RUNDC3B: variants seen among roughly 807,000 people sequenced by gnomAD.
The protein encoded by RUNDC3B is RUN domain-containing protein 3B.
A neutral mutation model predicts 58.4 loss-of-function variants in RUNDC3B; 33 were observed. That is an observed-to-expected ratio of 0.56 (90% confidence interval 0.43 to 0.75). The LOEUF (loss-of-function observed/expected upper bound fraction) is 0.75, where lower values mean the gene tolerates loss of function less well. Among genes scored for constraint, RUNDC3B ranks in the 30% least tolerant of loss-of-function variants. The pLI is 0.00. For missense variants in RUNDC3B, 501 were observed against 535.7 expected (o/e 0.94, Z 0.64); for synonymous variants, 193 against 195.2 (o/e 0.99, Z 0.10).
chr7:87,690,300 G>A (rs1365569081), intron 2 of RUNDC3B, among the ~76,000 whole-genome samples: 3 of 151,926 alleles, frequency 2.0e-5, no homozygotes, highest in Non-Finnish European at 2.9e-5. Flanking sequence ...TTGTTCATGT[G>A]ATCTATATTT....
chr7:87,783,733 A>C (rs1022532730), intron 8 of RUNDC3B, among the ~76,000 whole-genome samples: 1 of 152,138 alleles, frequency 6.6e-6, no homozygotes, highest in Non-Finnish European at 1.5e-5. Context: ...TGTCTGGAAA[A>C]TATTATACAT....
intron 6 of RUNDC3B, among the ~76,000 whole-genome samples, chr7:87,746,887 T>C (rs1054544075): frequency 2.6e-5 from 4 of 152,182 alleles, no homozygotes; most frequent in Non-Finnish European, 4.4e-5. Context: ...TATTTGTTTG[T>C]TTTTTATTTT....
chr7:87,749,784 G>C (rs1160077508), intron 6 of RUNDC3B, among the ~76,000 whole-genome samples: 1 of 151,910 alleles, frequency 6.6e-6, no homozygotes, highest in Non-Finnish European at 1.5e-5. Flanking sequence ...TTCAAGAAAA[G>C]CTGCTAGAAA....
intron 4 of RUNDC3B, among the ~76,000 whole-genome samples, chr7:87,713,776 A>T (rs199473694): frequency 6.6e-6 from 1 of 152,174 alleles, no homozygotes; most frequent in Non-Finnish European, 1.5e-5. Flanking sequence ...TGGCTAAAAA[A>T]TAATTAGTAA....
intron 1 of RUNDC3B, among the ~76,000 whole-genome samples, chr7:87,633,293 A>G (rs1426680885): frequency 2.0e-5 from 3 of 152,204 alleles, no homozygotes; most frequent in Non-Finnish European, 2.9e-5. Context: ...AATATTTACA[A>G]TATTTTGGAT....
intron 10 of RUNDC3B, among the ~76,000 whole-genome samples, chr7:87,818,701 T>G (rs1837216167): frequency 6.6e-6 from 1 of 152,102 alleles, no homozygotes; most frequent in African/African-American, 2.4e-5. Flanking sequence ...TAACAAGCTG[T>G]GAGCACAGGG....
In RUNDC3B at chr7:87,770,599, T is replaced by G; in HGVS notation, c.648T>G (p.Ser216Arg). 1 of 1,613,486 alleles carries G rather than the reference T, an allele frequency of 6.2e-7. No individual in the cohort carries two copies. Among genetic ancestry groups the G allele is most frequent in the Non-Finnish European group, 8.5e-7 (1 of 1,179,616 alleles). ...KYIQSSDSISSDEEELRTLGS... is the reference protein window; with the variant it reads ...KYIQSSDSISRDEEELRTLGS... ...TTCCCAGTTCTGATAGTATCAGCAGTGATGAGGAGGAGCTAAGGACTTTGG... is the reference window on the plus strand; with the variant it reads ...TTCCCAGTTCTGATAGTATCAGCAGGGATGAGGAGGAGCTAAGGACTTTGG... Residue 216 changes from serine (S) to arginine (R), a missense_variant, in exon 7 of 11, where the codon AGT (serine) becomes AGG (arginine). By Grantham distance (110) the Ser-to-Arg change is moderately radical. Coordinates refer to ENST00000394654, the MANE Select transcript of RUNDC3B (RefSeq NM_001134405.2).
intron 6 of RUNDC3B, among the ~76,000 whole-genome samples, chr7:87,750,873 C>G (rs968034752): frequency 2.6e-5 from 4 of 151,470 alleles, no homozygotes; most frequent in Admixed American, 6.6e-5. Context: ...TGCAGAAGCT[C>G]TTTAGTTTAA....
chr7:87,694,904 G>A (rs1024657655), intron 2 of RUNDC3B, among the ~76,000 whole-genome samples: 1 of 152,084 alleles, frequency 6.6e-6, no homozygotes, highest in African/African-American at 2.4e-5. Context: ...TTGACTAATT[G>A]TTATGGCATA....
intron 9 of RUNDC3B, among the ~76,000 whole-genome samples, chr7:87,809,776 G>A (rs1836613005): frequency 6.6e-6 from 1 of 152,140 alleles, no homozygotes; most frequent in Non-Finnish European, 1.5e-5. Flanking sequence ...TTTCAGAATA[G>A]AGGAGTTCAC....
chr7:87,717,294 A>G (rs192698943), intron 4 of RUNDC3B, among the ~76,000 whole-genome samples: 2 of 152,272 alleles, frequency 1.3e-5, no homozygotes, highest in East Asian at 1.9e-4. Flanking sequence ...CAAATTATAA[A>G]TGAATGAAAT....
At chr7:87,637,010 G>A (rs541064023) in intron 1 of RUNDC3B, among the ~76,000 whole-genome samples, 1 of 152,276 alleles carries the variant, frequency 6.6e-6, no homozygotes, top group South Asian at 2.1e-4. Context: ...AAAGGGGGAA[G>A]CCCCTTATAA....
At chr7:87,697,923 C>T (rs939599876) in intron 2 of RUNDC3B, among the ~76,000 whole-genome samples, 12 of 152,040 alleles carry the variant, frequency 7.9e-5, no homozygotes, top group South Asian at 2.1e-4. Flanking sequence ...CCCCTCCAAA[C>T]GGCTAACAAA....
chr7:87,789,760 A>G (rs1363041295), intron 8 of RUNDC3B, among the ~76,000 whole-genome samples: 1 of 152,232 alleles, frequency 6.6e-6, no homozygotes, highest in African/African-American at 2.4e-5. Flanking sequence ...AGATATTACA[A>G]CAGGAAAGAG....
At chr7:87,723,512 C>CATTTG (rs1831027544) in intron 4 of RUNDC3B, among the ~76,000 whole-genome samples, 1 of 152,022 alleles carries the variant, frequency 6.6e-6, no homozygotes, top group South Asian at 2.1e-4. Context: ...ATGTTCACAG[C>CATTTG]CTACAGAAAA....
chr7:87,757,984 A>G (rs1175431222), intron 6 of RUNDC3B, among the ~76,000 whole-genome samples: 1 of 152,178 alleles, frequency 6.6e-6, no homozygotes. Context: ...TCAATCTCTC[A>G]CCATATACAA....
At chr7:87,761,201 A>G (rs2130853770) in intron 6 of RUNDC3B, among the ~76,000 whole-genome samples, 1 of 152,098 alleles carries the variant, frequency 6.6e-6, no homozygotes, top group East Asian at 1.9e-4. Flanking sequence ...GAAGATGTAC[A>G]GTGGCCCAGA....
intron 6 of RUNDC3B, among the ~76,000 whole-genome samples, chr7:87,764,419 A>G (rs1833864267): frequency 6.6e-6 from 1 of 151,858 alleles, no homozygotes; most frequent in African/African-American, 2.4e-5. Context: ...CTCTTTTGAA[A>G]AAATATTAGA....
At chr7:87,676,068 A>T (rs1826322691) in intron 2 of RUNDC3B, among the ~76,000 whole-genome samples, 1 of 151,956 alleles carries the variant, frequency 6.6e-6, no homozygotes, top group Non-Finnish European at 1.5e-5. Context: ...CTCTACAAAA[A>T]GTTAAAAAAT....
Sources: allele counts gnomAD v4.1 joint callset (sites outside exome capture counted in the v4.1 genomes callset), GRCh38; gene constraint gnomAD v4.1.1; transcripts MANE v1.5; gene names NCBI Gene and HGNC (gene_info 2026-07-23, HGNC 2026-07-21).